ITPR2: variants seen among roughly 807,000 people sequenced by gnomAD.
ITPR2 encodes inositol 1,4,5-trisphosphate-gated calcium channel ITPR2.
Under a neutral mutation model 317.1 loss-of-function variants are expected in ITPR2, and 207 were observed. That is an observed-to-expected ratio of 0.65 (90% CI 0.58 to 0.73). ITPR2 has a LOEUF of 0.73. ITPR2 is among the 30% of genes least tolerant of loss of function. The pLI is 0.00. For missense variants in ITPR2, 2,613 were observed against 3,284.0 expected (o/e 0.80, Z 4.99); for synonymous variants, 1,156 against 1,149.1 (o/e 1.01, Z -0.12).
At chr12:26,727,887 A>T (rs1228213147) in intron 2 of ITPR2, among the ~76,000 whole-genome samples, 1 of 152,184 alleles carries the variant, frequency 6.6e-6, no homozygotes, top group Non-Finnish European at 1.5e-5. Flanking sequence ...ACCAATACTC[A>T]TTCAGCACAG....
At chr12:26,468,520 C>T (rs1342116826) in intron 45 of ITPR2, among the ~76,000 whole-genome samples, 1 of 148,574 alleles carries the variant, frequency 6.7e-6, no homozygotes, top group Non-Finnish European at 1.5e-5. Context: ...CCTTCAAACT[C>T]TTCTAGAGTG....
chr12:26,539,274 T>A (rs973942179), intron 37 of ITPR2, among the ~76,000 whole-genome samples: 4 of 152,236 alleles, frequency 2.6e-5, no homozygotes, highest in Admixed American at 2.0e-4. Context: ...GAGAGCCTGA[T>A]GCTGCTTGAG....
Position 26,715,776 on chromosome 12 carries a change from G to A in ITPR2, c.684C>T (p.Ser228=), listed in dbSNP as rs370340968. ...WKITLFMKYS[S]YREDVLKGGD... ...CTCCTTTTAATACATCCTCTCGATA[G>A]GAACTATATTTCATGAATAAAGTGA... The change falls in exon 7 of 57, where the codon TCC becomes TCT. Residue 228 remains serine, a synonymous_variant. Transcript: ENST00000381340. The A allele has an allele frequency of 6.2e-6, 10 of 1,606,516 alleles. No homozygotes were observed. In the African/African-American group the frequency reaches 1.2e-4, roughly 19 times the overall value.
At chr12:26,802,265 C>T (rs765557270) in intron 1 of ITPR2, among the ~76,000 whole-genome samples, 1 of 151,634 alleles carries the variant, frequency 6.6e-6, no homozygotes, top group Non-Finnish European at 1.5e-5. Context: ...TGTCACTGCA[C>T]TCCAGCCTGG....
chr12:26,616,589 AT>A (rs549335508), intron 26 of ITPR2, among the ~76,000 whole-genome samples: 2 of 152,172 alleles, frequency 1.3e-5, no homozygotes, highest in African/African-American at 2.4e-5. Flanking sequence ...TATACCACCA[AT>A]TTTTTTTAAA....
intron 37 of ITPR2, among the ~76,000 whole-genome samples, chr12:26,503,332 A>C (rs748777494): frequency 2.6e-5 from 4 of 152,222 alleles, no homozygotes; most frequent in Non-Finnish European, 4.4e-5. Flanking sequence ...AATCAATGCA[A>C]TATTTGACAA....
chr12:26,745,940 C>T (rs1949315024), intron 2 of ITPR2, among the ~76,000 whole-genome samples: 1 of 152,060 alleles, frequency 6.6e-6, no homozygotes, highest in South Asian at 2.1e-4. Flanking sequence ...TCACAAGAAA[C>T]CCACTTCTCA....
chr12:26,641,442 GTAGGTTTT>G lies in ITPR2; in HGVS notation c.2741-9391_2741-9384del, dbSNP rs922420380. The stretch of plus-strand genomic sequence containing the variant: ...TAGAAAGAATATCAACTGTAAAGCT[GTAGGTTTT>G]TTTTTTAAAGAAGAGAGAAAAAGAA... On this transcript the variant is annotated intron_variant, in intron 21 of 56. Transcript: ENST00000381340. 8.0e-5 allele frequency among the ~76,000 whole-genome samples: 4 copies of G among 50,232 alleles called. No individual in the cohort carries two copies. In the Admixed American group the frequency reaches 1.1e-3, roughly 14 times the overall value. The allele number at this position is 50,232 out of a possible 152,430, so 33.0% of individuals were successfully genotyped here.
intron 37 of ITPR2, among the ~76,000 whole-genome samples, chr12:26,526,034 C>T (rs1380337644): frequency 6.6e-6 from 1 of 152,190 alleles, no homozygotes; most frequent in South Asian, 2.1e-4. Context: ...CAGCTCTTTG[C>T]TCACACTCTC....
At chr12:26,685,346 G>A (rs1267305830) in intron 11 of ITPR2, among the ~76,000 whole-genome samples, 1 of 152,120 alleles carries the variant, frequency 6.6e-6, no homozygotes, top group Non-Finnish European at 1.5e-5. Context: ...CTGTAATCTC[G>A]GCATTTTGAG....
chr12:26,399,482 C>A (rs1421872345), intron 53 of ITPR2, among the ~76,000 whole-genome samples: 2 of 152,170 alleles, frequency 1.3e-5, no homozygotes, highest in Non-Finnish European at 2.9e-5. Context: ...GTATATATAG[C>A]TCCTTCTTAT....
intron 10 of ITPR2, among the ~76,000 whole-genome samples, chr12:26,694,207 G>A (rs1169938379): frequency 6.6e-6 from 1 of 152,166 alleles, no homozygotes; most frequent in Non-Finnish European, 1.5e-5. Flanking sequence ...TGACTGTGAT[G>A]GATCAAGACA....
At position 26,663,766 on chromosome 12, in the gene ITPR2, T is replaced by C; in HGVS notation, c.1632A>G (p.Gln544=). The part of the protein sequence containing the change: ...SMLRLEDLGD[Q]RYAPYKYMLR... ...GCATGTACTTGTAGGGTGCATATCT[T>C]TGATCCCCCAGATCTTCAAGTCTCA... Residue 544 remains glutamine, a synonymous_variant, in exon 15 of 57, where the codon CAA becomes CAG. Transcript: ENST00000381340. 6.2e-7 allele frequency: 1 copy of C among 1,614,136 alleles called. No homozygotes were observed. Among genetic ancestry groups the C allele is most frequent in the Non-Finnish European group, 8.5e-7 (1 of 1,179,992 alleles).
chr12:26,438,055 C>T (rs1941401399), intron 47 of ITPR2, among the ~76,000 whole-genome samples: 1 of 152,142 alleles, frequency 6.6e-6, no homozygotes, highest in Non-Finnish European at 1.5e-5. Context: ...CCTGCCTCGG[C>T]CTCCCAAAGT....
intron 37 of ITPR2, among the ~76,000 whole-genome samples, chr12:26,525,863 G>C (rs1018973489): frequency 6.6e-6 from 1 of 152,072 alleles, no homozygotes; most frequent in Non-Finnish European, 1.5e-5. Flanking sequence ...AACACAATTT[G>C]TATCTACCCA....
intron 2 of ITPR2, among the ~76,000 whole-genome samples, chr12:26,755,340 T>C (rs550590645): frequency 1.3e-5 from 2 of 152,250 alleles, no homozygotes; most frequent in Non-Finnish European, 1.5e-5. Flanking sequence ...ACTTTGGAGA[T>C]TGTGACATCA....
At chr12:26,796,423 C>A (rs1950444444) in intron 1 of ITPR2, among the ~76,000 whole-genome samples, 1 of 152,058 alleles carries the variant, frequency 6.6e-6, no homozygotes, top group East Asian at 1.9e-4. Flanking sequence ...ACATATCCAA[C>A]AAATTGGTAA....
intron 21 of ITPR2, among the ~76,000 whole-genome samples, chr12:26,643,267 T>C (rs1314105855): frequency 6.6e-6 from 1 of 152,246 alleles, no homozygotes; most frequent in Non-Finnish European, 1.5e-5. Flanking sequence ...GGTATTTTTG[T>C]TGCTGTTGTT....
At chr12:26,735,961 T>A (rs1949112899) in intron 2 of ITPR2, among the ~76,000 whole-genome samples, 1 of 152,226 alleles carries the variant, frequency 6.6e-6, no homozygotes, top group Non-Finnish European at 1.5e-5. Flanking sequence ...ATAGCACCCA[T>A]CTATCAGATA....
Sources: gnomAD v4.1 joint callset for allele counts (sites outside exome capture counted in the v4.1 genomes callset) on GRCh38, gnomAD v4.1.1 for gene constraint, MANE v1.5 for transcripts, NCBI Gene and HGNC (gene_info 2026-07-23, HGNC 2026-07-21) for gene names.